IQSEC3: variants seen among roughly 807,000 people sequenced by gnomAD.
IQSEC3 encodes IQ motif and Sec7 domain ArfGEF 3.
A neutral mutation model predicts 105.4 loss-of-function variants in IQSEC3; 50 were observed. The observed-to-expected ratio is 0.47, with a 90% CI of 0.38 to 0.60. IQSEC3 has a LOEUF of 0.60. Among genes scored for constraint, IQSEC3 ranks in the 20% least tolerant of loss-of-function variants. The pLI is 0.00. For missense variants in IQSEC3, 1,415 were observed against 1,630.0 expected, an observed-to-expected ratio of 0.87 and a Z score of 2.27; for synonymous variants, 708 against 746.0, an observed-to-expected ratio of 0.95 and a Z score of 0.83.
intron 3 of IQSEC3, among the ~76,000 whole-genome samples, chr12:134,964 T>TA (rs1565421916): frequency 4.6e-5 from 7 of 151,836 alleles, no homozygotes; most frequent in East Asian, 1.9e-4. Flanking sequence ...CTGTCTCTAC[T>TA]TAAAAAAATA....
Position 165,491 on chromosome 12 carries a change from G to A in IQSEC3, c.2767G>A (p.Val923Ile). ...CTCCACGTACACCTTTTGCAAGTCA[G>A]TTGGCCTGCTGGGCATGCAGTTCCA... ...SSSTYTFCKS[V>I]GLLGMQFQLF... The change falls in exon 10 of 14, where the codon GTT (valine) becomes ATT (isoleucine). Residue 923 changes from valine (V) to isoleucine (I), a missense_variant. Around this residue, in one of 6 missense-constraint regions of IQSEC3, gnomAD observed 419 missense variants for 436.2 expected, o/e 0.96. Coordinates refer to ENST00000538872, the MANE Select transcript of IQSEC3 (RefSeq NM_001170738.2). 1 of 1,614,200 alleles carries A rather than the reference G, an allele frequency of 6.2e-7. No individual in the cohort carries two copies. Among genetic ancestry groups the A allele is most frequent in the East Asian group, 2.2e-5 (1 of 44,890 alleles).
intron 1 of IQSEC3, among the ~76,000 whole-genome samples, chr12:73,082 A>C (rs1863387848): frequency 7.1e-6 from 1 of 141,322 alleles, no homozygotes; most frequent in African/African-American, 2.5e-5. Context: ...AAATAAATAA[A>C]TAAATAAATA....
At chr12:116,939 C>A (rs1315071800) in intron 2 of IQSEC3, among the ~76,000 whole-genome samples, 1 of 152,196 alleles carries the variant, frequency 6.6e-6, no homozygotes, top group African/African-American at 2.4e-5. Flanking sequence ...AGGCTTCAAA[C>A]GTGCTCTTTC....
intron 2 of IQSEC3, 42 bp from the exon 3 acceptor site, chr12:125,591 C>T (rs377282498): frequency 2.5e-4 from 362 of 1,460,018 alleles, no homozygotes; most frequent in Admixed American, 3.5e-4. Flanking sequence ...CGCACCCTGT[C>T]GCCCTCTCCC....
At chr12:173,128 T>C (rs1284440042) in intron 13 of IQSEC3, among the ~76,000 whole-genome samples, 1 of 152,134 alleles carries the variant, frequency 6.6e-6, no homozygotes, top group African/African-American at 2.4e-5. Flanking sequence ...GCCCGTGCCC[T>C]CCAGCGGCTT....
At chr12:128,217 C>G (rs923420225) in intron 3 of IQSEC3, among the ~76,000 whole-genome samples, 2 of 152,168 alleles carry the variant, frequency 1.3e-5, no homozygotes, top group African/African-American at 4.8e-5. Context: ...CGGGTGTCCC[C>G]GTCACAGCCC....
intron 1 of IQSEC3, among the ~76,000 whole-genome samples, chr12:72,078 A>G (rs1255059121): frequency 2.0e-5 from 3 of 152,212 alleles, no homozygotes; most frequent in Non-Finnish European, 4.4e-5. Flanking sequence ...TGATTGTCTC[A>G]CTCCTCCTTA....
chr12:122,028 A>C (rs1254014496), intron 2 of IQSEC3, among the ~76,000 whole-genome samples: 2 of 152,226 alleles, frequency 1.3e-5, no homozygotes, highest in African/African-American at 4.8e-5. Context: ...CGTTGAGAAC[A>C]GTCCAGGGGT....
intron 5 of IQSEC3, among the ~76,000 whole-genome samples, chr12:145,653 G>A (rs1315542588): frequency 6.6e-6 from 1 of 152,232 alleles, no homozygotes; most frequent in Non-Finnish European, 1.5e-5. Context: ...TCCAGAAGCT[G>A]AGAGTCACGC....
At chr12:131,203 C>T (rs1179443868) in intron 3 of IQSEC3, among the ~76,000 whole-genome samples, 1 of 152,182 alleles carries the variant, frequency 6.6e-6, no homozygotes, top group Admixed American at 6.6e-5. Context: ...ACGGAGGCCC[C>T]CGCGCCCCTG....
chr12:123,352 G>A (rs1419996470), intron 2 of IQSEC3, among the ~76,000 whole-genome samples: 1 of 152,154 alleles, frequency 6.6e-6, no homozygotes, highest in Non-Finnish European at 1.5e-5. Context: ...GAGGTGGGAG[G>A]ATTGCTTGAT....
chr12:114,571 C>G (rs868995957), intron 2 of IQSEC3, among the ~76,000 whole-genome samples: 1 of 152,178 alleles, frequency 6.6e-6, no homozygotes, highest in African/African-American at 2.4e-5. Context: ...GCTAAAGACC[C>G]GGATGAATGT....
At position 171,172 on chromosome 12, in the gene IQSEC3, C is replaced by G. The variant is rs1555100137; in HGVS notation, c.3114+11C>G. 1 of 1,614,110 alleles carries G rather than the reference C, an allele frequency of 6.2e-7. No individual in the cohort carries two copies. The highest frequency in any genetic ancestry group is 2.2e-5 in the East Asian group (1 of 44,874). Reference sequence around the variant, plus strand: ...GAGAGCACGGTGGAGGTAAGTGGAGCCCTGGTTGCCCAGGTGAGTGACTAC... The same window carrying G: ...GAGAGCACGGTGGAGGTAAGTGGAGGCCTGGTTGCCCAGGTGAGTGACTAC... On this transcript the variant is annotated intron_variant, in intron 13 of 13. Coordinates refer to ENST00000538872, the MANE Select transcript of IQSEC3 (RefSeq NM_001170738.2).
rs1863274926 is a variant in IQSEC3 at position 70,573 on chromosome 12, C to CGG, written c.554+3138_554+3139dup. Among the ~76,000 whole-genome samples, 6 of 152,388 alleles carry CGG rather than the reference C, an allele frequency of 3.9e-5. No individual in the cohort carries two copies. In the South Asian group the frequency reaches 1.2e-3, roughly 32 times the overall value. Reference sequence around the variant, plus strand: ...TCCTTATTTTTTCAATCAAGGCTCACGGCATCTACAGAATTTATTACTATC... The same window carrying CGG: ...TCCTTATTTTTTCAATCAAGGCTCACGGGGCATCTACAGAATTTATTACTATC... On this transcript the variant is annotated intron_variant, in intron 1 of 13. Coordinates refer to ENST00000538872, the MANE Select transcript of IQSEC3 (RefSeq NM_001170738.2).
At chr12:140,999 A>T in intron 4 of IQSEC3, 125 bp from the exon 5 acceptor site, 1 of 967,430 alleles carries the variant, frequency 1.0e-6, no homozygotes, top group Non-Finnish European at 1.6e-6. Flanking sequence ...CTGGTGAGAG[A>T]AGCTTCAATG....
chr12:86,615 GCAAAGACGGACTTTGA>G (rs1863925439), intron 1 of IQSEC3, among the ~76,000 whole-genome samples: 1 of 152,152 alleles, frequency 6.6e-6, no homozygotes, highest in Admixed American at 6.5e-5. Context: ...CAGGAAAATA[GCAAAGACGGACTTTGA>G]ACTCCAGACA....
Position 138,400 on chromosome 12 carries a change from G to T in IQSEC3, c.1037G>T (p.Arg346Leu). The T allele has an allele frequency of 6.2e-7, 1 of 1,609,022 alleles. No individual in the cohort carries two copies. Among genetic ancestry groups the T allele is most frequent in the Non-Finnish European group, 8.5e-7 (1 of 1,179,674 alleles). The part of the protein sequence containing the change: ...EKIRNSLLES[R>L]LPRRISLRKV... Reference sequence around the variant, plus strand: ...ATCCGCAACTCGCTTCTGGAGAGCCGCCTGCCACGGCGGATCTCCCTGCGC... The same window carrying T: ...ATCCGCAACTCGCTTCTGGAGAGCCTCCTGCCACGGCGGATCTCCCTGCGC... The change falls in exon 4 of 14, where the codon CGC (arginine) becomes CTC (leucine). Residue 346 changes from arginine (R) to leucine (L), a missense_variant. Around this residue, in one of 6 missense-constraint regions of IQSEC3, gnomAD observed 720 missense variants for 633.0 expected, o/e 1.14. Coordinates refer to ENST00000538872, the MANE Select transcript of IQSEC3 (RefSeq NM_001170738.2). This position sits in a 1 kb window ranked among gnomAD's most constrained non-coding sequence, Gnocchi z 7.1.
rs118136687 is a variant in IQSEC3 at position 87,596 on chromosome 12, G to A, written c.555-11550G>A. 1.3e-3 allele frequency among the ~76,000 whole-genome samples: 200 copies of A among 152,292 alleles called. 1 individual carries two copies. The highest frequency in any genetic ancestry group is 2.4e-3 in the Non-Finnish European group (160 of 68,008). On this transcript the variant is annotated intron_variant, in intron 1 of 13. Transcript: ENST00000538872. ...TCACACAAGCAGACAACTCTTTTTG[G>A]AAGACTGACTGCAGAAGGAAAGAGT...
intron 3 of IQSEC3, among the ~76,000 whole-genome samples, chr12:132,798 G>A (rs1252880013): frequency 2.0e-5 from 3 of 152,190 alleles, no homozygotes; most frequent in Non-Finnish European, 4.4e-5. Context: ...CTGGAAATGT[G>A]GGTCTAGGAT....
Sources: gnomAD v4.1 joint callset for allele counts (sites outside exome capture counted in the v4.1 genomes callset) on GRCh38, gnomAD v4.1.1 for gene constraint, gnomAD v4.1.1 regional missense constraint, Gnocchi (gnomAD v3.1) non-coding constraint, MANE v1.5 for transcripts, NCBI Gene and HGNC (gene_info 2026-07-23, HGNC 2026-07-21) for gene names.